Variants in GRM7 observed in about 807,000 individuals in gnomAD.
The protein encoded by GRM7 is glutamate metabotropic receptor 7.
Under a neutral mutation model 84.5 loss-of-function variants are expected in GRM7, and 35 were observed. The observed-to-expected ratio is 0.41, with a 90% CI of 0.32 to 0.55. The LOEUF (loss-of-function observed/expected upper bound fraction) is 0.55, where lower values mean the gene tolerates loss of function less well. GRM7 is among the 20% of genes least tolerant of loss of function. GRM7 has a pLI of 0.19. For synonymous variants in GRM7, 487 were observed against 455.1 expected (o/e 1.07, Z -0.89); for missense variants, 1,003 against 1,194.6 (o/e 0.84, Z 2.36).
intron 7 of GRM7, among the ~76,000 whole-genome samples, chr3:7,550,841 C>T (rs1693433220): frequency 6.6e-6 from 1 of 152,050 alleles, no homozygotes; most frequent in African/African-American, 2.4e-5. Flanking sequence ...CCCTTGCTTA[C>T]ATGCTCCTTC....
chr3:7,262,381 G>C (rs1212874841), intron 2 of GRM7, among the ~76,000 whole-genome samples: 1 of 151,916 alleles, frequency 6.6e-6, no homozygotes, highest in African/African-American at 2.4e-5. Flanking sequence ...TCTTCAGCTT[G>C]GTCTATTCTG....
intron 9 of GRM7, among the ~76,000 whole-genome samples, chr3:7,731,080 TTTTG>T (rs1325423765): frequency 7.0e-5 from 9 of 128,440 alleles, no homozygotes; most frequent in African/African-American, 2.3e-4. Flanking sequence ...TAGTTTTTTC[TTTTG>T]TTTTTTTTTT....
At chr3:7,645,346 A>G (rs1698575450) in intron 8 of GRM7, among the ~76,000 whole-genome samples, 1 of 151,982 alleles carries the variant, frequency 6.6e-6, no homozygotes, top group African/African-American at 2.4e-5. Flanking sequence ...CAGGAGATTG[A>G]GACCATCCTG....
intron 7 of GRM7, among the ~76,000 whole-genome samples, chr3:7,561,977 A>C (rs2125037178): frequency 6.6e-6 from 1 of 152,250 alleles, no homozygotes. Flanking sequence ...TCTTACCCAA[A>C]TATGTCACTG....
At chr3:7,259,176 C>T (rs1698317170) in intron 2 of GRM7, among the ~76,000 whole-genome samples, 1 of 152,220 alleles carries the variant, frequency 6.6e-6, no homozygotes, top group South Asian at 2.1e-4. Flanking sequence ...GGTAAATTGG[C>T]ATTCCAAAGC....
At chr3:7,082,547 A>C (rs1230053469) in intron 1 of GRM7, among the ~76,000 whole-genome samples, 2 of 152,136 alleles carry the variant, frequency 1.3e-5, no homozygotes, top group Non-Finnish European at 2.9e-5. Context: ...CCAAGGAGTA[A>C]TTTTGACTTT....
intron 8 of GRM7, among the ~76,000 whole-genome samples, chr3:7,629,375 CCAG>C (rs1697764829): frequency 6.6e-6 from 1 of 152,132 alleles, no homozygotes; most frequent in Admixed American, 6.6e-5. Context: ...AATGAGGATG[CCAG>C]CAGGGTTGGT....
intron 1 of GRM7, among the ~76,000 whole-genome samples, chr3:6,983,723 G>T (rs757744101): frequency 6.6e-6 from 1 of 151,772 alleles, no homozygotes; most frequent in African/African-American, 2.4e-5. Context: ...AGCAGAACCT[G>T]GCTTTTGTAA....
intron 7 of GRM7, among the ~76,000 whole-genome samples, chr3:7,530,221 C>G (rs1700983614): frequency 6.6e-6 from 1 of 151,056 alleles, no homozygotes; most frequent in African/African-American, 2.4e-5. Context: ...TGTTATTTTG[C>G]TGAGAATGAT....
intron 1 of GRM7, among the ~76,000 whole-genome samples, chr3:7,044,794 C>G (rs2124945891): frequency 6.6e-6 from 1 of 152,182 alleles, no homozygotes; most frequent in South Asian, 2.1e-4. Context: ...TCCAAATATT[C>G]TCAGAGTGAA....
chr3:7,641,105 G>C (rs1698348285), intron 8 of GRM7, among the ~76,000 whole-genome samples: 2 of 152,140 alleles, frequency 1.3e-5, no homozygotes, highest in African/African-American at 4.8e-5. Flanking sequence ...GTTAGTGAAA[G>C]GAAAAATTTC....
chr3:7,639,890 G>A (rs1698283938), intron 8 of GRM7, among the ~76,000 whole-genome samples: 1 of 152,020 alleles, frequency 6.6e-6, no homozygotes, highest in Admixed American at 6.5e-5. Flanking sequence ...CCATTATTCC[G>A]ATTTGATCAT....
At chr3:6,961,910 A>T (rs1693314268) in intron 1 of GRM7, among the ~76,000 whole-genome samples, 1 of 150,574 alleles carries the variant, frequency 6.6e-6, no homozygotes, top group Admixed American at 6.7e-5. Context: ...CATCCCATCT[A>T]AAAAAAAATA....
chr3:7,356,254 G>A (rs930668358), intron 4 of GRM7, among the ~76,000 whole-genome samples: 2 of 152,074 alleles, frequency 1.3e-5, no homozygotes, highest in Admixed American at 6.5e-5. Context: ...AGGTATTTGC[G>A]TCCACATGAA....
chr3:7,537,430 G>A (rs796854318), intron 7 of GRM7, among the ~76,000 whole-genome samples: 11 of 152,140 alleles, frequency 7.2e-5, no homozygotes, highest in African/African-American at 2.2e-4. Context: ...TGATTGTGTG[G>A]CTTGAGATAG....
chr3:7,651,543 AGG>A (rs1490801312), intron 8 of GRM7, among the ~76,000 whole-genome samples: 1 of 152,198 alleles, frequency 6.6e-6, no homozygotes, highest in African/African-American at 2.4e-5. Context: ...AAGAACAAGA[AGG>A]GGAGAGCTAT....
intron 1 of GRM7, among the ~76,000 whole-genome samples, chr3:6,955,306 C>T (rs1015289136): frequency 2.0e-5 from 3 of 152,114 alleles, no homozygotes; most frequent in African/African-American, 7.2e-5. Context: ...GAGGCCGATG[C>T]GGGCAGATCA....
In GRM7 at chr3:6,993,815, C is replaced by A. The variant is rs150362237; in HGVS notation, c.519+131908C>A. Among the ~76,000 whole-genome samples the A allele has an allele frequency of 1.1e-4, 17 of 152,218 alleles. 1 individual carries two copies. The highest frequency in any genetic ancestry group is 4.1e-4 in the African/African-American group (17 of 41,526). On this transcript the variant is annotated intron_variant, in intron 1 of 9. Transcript: ENST00000357716. ...ATAGAAGGAGATGTAAAAATAAGGGCTTTAATTTATGTTCTTCCATGGCAC... is the reference window on the plus strand; with the variant it reads ...ATAGAAGGAGATGTAAAAATAAGGGATTTAATTTATGTTCTTCCATGGCAC...
At chr3:7,279,838 A>G (rs2124993463) in intron 2 of GRM7, among the ~76,000 whole-genome samples, 1 of 152,232 alleles carries the variant, frequency 6.6e-6, no homozygotes, top group African/African-American at 2.4e-5. Context: ...AGTCATTGAA[A>G]CCAAAAGAAC....
Sources: gnomAD v4.1 joint callset for allele counts (sites outside exome capture counted in the v4.1 genomes callset) on GRCh38, gnomAD v4.1.1 for gene constraint, MANE v1.5 for transcripts, NCBI Gene and HGNC (gene_info 2026-07-23, HGNC 2026-07-21) for gene names.